The following XKR4 variants were observed in gnomAD, a reference collection of about 807,000 sequenced individuals.
XKR4 encodes the protein XK related 4, also known as XK-related protein 4.
A neutral mutation model predicts 53.9 loss-of-function variants in XKR4; 12 were observed. The ratio of observed to expected loss-of-function variants is 0.22; its 90% CI spans 0.14 to 0.36. The LOEUF (loss-of-function observed/expected upper bound fraction) is 0.36. Ranked by LOEUF, XKR4 falls within the 10% of genes least tolerant of loss-of-function variation. The pLI is 1.00. For missense variants in XKR4, 799 were observed against 859.5 expected (o/e 0.93, Z 0.88); for synonymous variants, 354 against 362.4 (o/e 0.98, Z 0.26).
At chr8:55,467,956 C>T (rs573597654) in intron 2 of XKR4, among the ~76,000 whole-genome samples, 3 of 152,124 alleles carry the variant, frequency 2.0e-5, no homozygotes, top group Non-Finnish European at 4.4e-5. Context: ...GAGACTTATG[C>T]CATGTAAAAA....
At chr8:55,417,440 A>T (rs1804867158) in intron 2 of XKR4, among the ~76,000 whole-genome samples, 1 of 152,220 alleles carries the variant, frequency 6.6e-6, no homozygotes, top group Non-Finnish European at 1.5e-5. Context: ...AGACAAAAAC[A>T]GTTGCATATA....
At position 55,524,185 on chromosome 8, in the gene XKR4, T is replaced by A. The variant is rs1300890245; in HGVS notation, c.1911T>A (p.Asp637Glu). Reference protein sequence around the residue: ...PSPPRLQYKDDALIQERLEYE... With the variant: ...PSPPRLQYKDEALIQERLEYE... ...CTCCAAGGCTGCAGTACAAAGATGATGCCCTTATTCAGGAGCGGTTGGAGT... is the reference window on the plus strand; with the variant it reads ...CTCCAAGGCTGCAGTACAAAGATGAAGCCCTTATTCAGGAGCGGTTGGAGT... Residue 637 changes from aspartate (D) to glutamate (E), a missense_variant, in exon 3 of 3, where the codon GAT becomes GAA. Physicochemically the swap from Asp to Glu is conservative, Grantham distance 45. This residue lies in a region of XKR4 where 269 missense variants were observed against 264.4 expected (regional missense o/e 1.02). Transcript: ENST00000327381. 6.2e-7 allele frequency: 1 copy of A among 1,614,238 alleles called. No homozygotes were observed. Among genetic ancestry groups the A allele is most frequent in the East Asian group, 2.2e-5 (1 of 44,888 alleles).
At chr8:55,108,608 A>G (rs1420081858) in intron 1 of XKR4, among the ~76,000 whole-genome samples, 2 of 152,198 alleles carry the variant, frequency 1.3e-5, no homozygotes, top group Non-Finnish European at 2.9e-5. Flanking sequence ...ATATTAAAAT[A>G]ATATTAAAGT....
rs141814851 is a variant in XKR4, at chr8:55,483,012, A to C, written c.1007-40269A>C. On this transcript the variant is annotated intron_variant, in intron 2 of 2. Coordinates refer to ENST00000327381, the MANE Select transcript of XKR4 (RefSeq NM_052898.2). ...CTGTTCATAATAAACTGAGAAAATT[A>C]CTCAAATTCTCTAAGTAAATGAATA... 7.6e-4 allele frequency among the ~76,000 whole-genome samples: 116 copies of C among 152,332 alleles called. 2 individuals are homozygous for C. The East Asian group carries it at 0.019, about 25-fold the overall frequency.
At chr8:55,369,232 G>A (rs981279581) in intron 2 of XKR4, among the ~76,000 whole-genome samples, 1 of 151,628 alleles carries the variant, frequency 6.6e-6, no homozygotes, top group African/African-American at 2.4e-5. Context: ...GTGTGGTGGT[G>A]CATTCATGTA....
chr8:55,426,693 G>T (rs905169184), intron 2 of XKR4, among the ~76,000 whole-genome samples: 2 of 152,122 alleles, frequency 1.3e-5, no homozygotes, highest in East Asian at 1.9e-4. Flanking sequence ...ATTAAAAATA[G>T]GCTCTGATAT....
At chr8:55,321,990 AAAACAAAC>A (rs71712943) in intron 1 of XKR4, among the ~76,000 whole-genome samples, 3 of 151,552 alleles carry the variant, frequency 2.0e-5, no homozygotes, top group Non-Finnish European at 2.9e-5. Context: ...TCCATCTCGA[AAAACAAAC>A]AAACAAACAA....
At chr8:55,473,282 T>C (rs183984801) in intron 2 of XKR4, among the ~76,000 whole-genome samples, 1 of 152,272 alleles carries the variant, frequency 6.6e-6, no homozygotes, top group African/African-American at 2.4e-5. Context: ...AGGAAAGTGT[T>C]ATTGTTCTTG....
chr8:55,253,344 C>T (rs530987789), intron 1 of XKR4, among the ~76,000 whole-genome samples: 9 of 152,288 alleles, frequency 5.9e-5, no homozygotes, highest in South Asian at 2.1e-4. Flanking sequence ...TTTACAAAGA[C>T]GATGGATTTA....
chr8:55,358,358 A>G (rs1803851976), intron 2 of XKR4, among the ~76,000 whole-genome samples: 1 of 152,168 alleles, frequency 6.6e-6, no homozygotes, highest in Non-Finnish European at 1.5e-5. Flanking sequence ...GATTAAAAGG[A>G]AATGGTACAG....
Position 55,361,498 on chromosome 8 carries a change from G to A in XKR4, c.1006+3621G>A, listed in dbSNP as rs1460899634. 2.6e-5 allele frequency among the ~76,000 whole-genome samples: 4 copies of A among 152,112 alleles called. No homozygotes were observed. The Middle Eastern group carries it at 0.01, about 388-fold the overall frequency. On this transcript the variant is annotated intron_variant, in intron 2 of 2. Coordinates refer to ENST00000327381, the MANE Select transcript of XKR4 (RefSeq NM_052898.2). ...TCTTCCAGCAAAATCTCACTCATTC[G>A]TTTCACCTCATTTCTACTGTGCTAC...
chr8:55,391,801 A>T (rs1171797772), intron 2 of XKR4, among the ~76,000 whole-genome samples: 5 of 152,220 alleles, frequency 3.3e-5, no homozygotes, highest in African/African-American at 9.6e-5. Flanking sequence ...ACATAACTAC[A>T]AAGAAATGAC....
At chr8:55,292,663 T>C (rs1415387408) in intron 1 of XKR4, among the ~76,000 whole-genome samples, 1 of 152,148 alleles carries the variant, frequency 6.6e-6, no homozygotes, top group Non-Finnish European at 1.5e-5. Flanking sequence ...TATTATTTCC[T>C]TCCTTCTACT....
At chr8:55,136,868 TAAC>T (rs1191238473) in intron 1 of XKR4, among the ~76,000 whole-genome samples, 3 of 152,256 alleles carry the variant, frequency 2.0e-5, no homozygotes, top group East Asian at 3.9e-4. Flanking sequence ...AGTTTTAAAT[TAAC>T]AACAACTGGC....
At chr8:55,456,039 A>G (rs1160624762) in intron 2 of XKR4, among the ~76,000 whole-genome samples, 2 of 152,248 alleles carry the variant, frequency 1.3e-5, no homozygotes, top group African/African-American at 4.8e-5. Context: ...ATAATATATT[A>G]TCTAAAATTT....
At chr8:55,473,699 T>C (rs1048154538) in intron 2 of XKR4, among the ~76,000 whole-genome samples, 2 of 152,180 alleles carry the variant, frequency 1.3e-5, no homozygotes, top group Non-Finnish European at 2.9e-5. Flanking sequence ...GGACCATTTC[T>C]ATAAACAAGT....
chr8:55,241,446 A>C (rs1818209039), intron 1 of XKR4, among the ~76,000 whole-genome samples: 1 of 151,958 alleles, frequency 6.6e-6, no homozygotes. Flanking sequence ...CTCTGTCTTC[A>C]CTGCAGTCCA....
At chr8:55,278,017 C>T (rs1294685618) in intron 1 of XKR4, among the ~76,000 whole-genome samples, 9 of 152,118 alleles carry the variant, frequency 5.9e-5, no homozygotes, top group Non-Finnish European at 1.0e-4. Flanking sequence ...TATGGATCAG[C>T]AGCACCTGCT....
intron 1 of XKR4, among the ~76,000 whole-genome samples, chr8:55,147,761 T>C (rs1816790240): frequency 6.6e-6 from 1 of 152,236 alleles, no homozygotes; most frequent in Non-Finnish European, 1.5e-5. Context: ...ATCTCATCTT[T>C]GAAGCTTTGG....
Sources: gnomAD v4.1 joint callset for allele counts (sites outside exome capture counted in the v4.1 genomes callset) on GRCh38, gnomAD v4.1.1 for gene constraint, gnomAD v4.1.1 regional missense constraint, MANE v1.5 for transcripts, NCBI Gene and HGNC (gene_info 2026-07-23, HGNC 2026-07-21) for gene names.